The following NLRC4 variants were observed in gnomAD, a reference collection of about 807,000 sequenced individuals.
NLRC4 encodes NLR family CARD domain-containing protein 4.
NLRC4 carries 63 observed loss-of-function variants against 79.9 expected under a neutral mutation model. That is an observed-to-expected ratio of 0.79 (90% confidence interval 0.64 to 0.97). The LOEUF is 0.97. Among genes scored for constraint, NLRC4 ranks in the 50% least tolerant of loss-of-function variants. NLRC4 has a pLI of 0.00. For missense variants in NLRC4, 1,074 were observed against 1,215.2 expected (o/e 0.88, Z 1.73); for synonymous variants, 461 against 456.5 (o/e 1.01, Z -0.12).
intron 8 of NLRC4, among the ~76,000 whole-genome samples, chr2:32,229,021 C>T (rs1412743161): frequency 6.6e-6 from 1 of 152,016 alleles, no homozygotes; most frequent in African/African-American, 2.4e-5. Flanking sequence ...CCACCTTGGC[C>T]TCACGAAGTG....
intron 8 of NLRC4, among the ~76,000 whole-genome samples, chr2:32,234,103 C>T (rs968204552): frequency 7.9e-5 from 12 of 152,024 alleles, no homozygotes; most frequent in Non-Finnish European, 1.5e-4. Flanking sequence ...TAAATAGGGC[C>T]GGGTGCGGTG....
At position 32,250,232 on chromosome 2, in the gene NLRC4, T is replaced by C; in HGVS notation, c.1632A>G (p.Glu544=). Residue 544 remains glutamate (E), a synonymous_variant, in exon 4 of 9, where the codon GAA becomes GAG. Transcript: ENST00000402280. This position sits in a 1 kb window ranked among gnomAD's most constrained non-coding sequence, Gnocchi z 4.9. ...LQSVKNTTEQ[E]ILKAININSF... is the part of the protein sequence containing the mutation. ...AATTGATGTTTATGGCTTTCAGAATTTCTTGCTCAGTGGTGTTTTTCACAC... is the reference window on the plus strand; with the variant it reads ...AATTGATGTTTATGGCTTTCAGAATCTCTTGCTCAGTGGTGTTTTTCACAC... The C allele has an allele frequency of 1.2e-6, 2 of 1,614,216 alleles. No homozygotes were observed. Among genetic ancestry groups the C allele is most frequent in the Non-Finnish European group, 1.7e-6 (2 of 1,180,054 alleles).
chr2:32,233,088 C>T (rs1326981902), intron 8 of NLRC4, among the ~76,000 whole-genome samples: 1 of 123,082 alleles, frequency 8.1e-6, no homozygotes, highest in East Asian at 2.7e-4. Flanking sequence ...CCAGCCTGGG[C>T]AACAGGGAGA....
intron 8 of NLRC4, among the ~76,000 whole-genome samples, chr2:32,226,216 C>T (rs1299814327): frequency 6.6e-6 from 1 of 152,170 alleles, no homozygotes; most frequent in Non-Finnish European, 1.5e-5. Context: ...TACCCTTACC[C>T]ACTTTCAGTA....
intron 3 of NLRC4, 39 bp downstream of exon 3, chr2:32,252,380 C>G (rs1448071215): frequency 6.7e-7 from 1 of 1,501,356 alleles, no homozygotes; most frequent in East Asian, 2.3e-5. Context: ...GTGGTCTATT[C>G]TACTTGCAGA....
chr2:32,257,720 G>C (rs1687241513), intron 1 of NLRC4, among the ~76,000 whole-genome samples: 1 of 152,066 alleles, frequency 6.6e-6, no homozygotes, highest in Admixed American at 6.6e-5. Flanking sequence ...ATGAGATCAG[G>C]GAGTATGGAA....
chr2:32,224,820 G>T, intron 8 of NLRC4, 55 bp from the exon 9 acceptor site: 1 of 816,478 alleles, frequency 1.2e-6, no homozygotes, highest in Non-Finnish European at 1.8e-6. Flanking sequence ...TAAAAAAAAA[G>T]AGAAATAGGT....
chr2:32,242,205 G>GA (rs1266470147), intron 4 of NLRC4, among the ~76,000 whole-genome samples: 2 of 151,254 alleles, frequency 1.3e-5, no homozygotes, highest in African/African-American at 4.9e-5. Context: ...GTAAACAATA[G>GA]AAAAAAATCA....
chr2:32,253,477 T>A (rs1053445350), intron 2 of NLRC4, among the ~76,000 whole-genome samples: 2 of 152,084 alleles, frequency 1.3e-5, no homozygotes, highest in Admixed American at 1.3e-4. Flanking sequence ...CCCAGAGTTA[T>A]TGATGAGCAA....
Position 32,235,509 on chromosome 2 carries a change from C to A in NLRC4, c.2674G>T (p.Val892Leu). ...TALMLPWGCD[V>L]QGSLSSLLKH... ...AACAGGCTGCTCAGGCTGCCTTGCA[C>A]GTCACAGCCCCAGGGCAGCATCAGT... The change falls in exon 8 of 9, where the codon GTG becomes TTG. Residue 892 changes from valine to leucine, a missense_variant. Physicochemically the swap from Val to Leu is conservative, Grantham distance 32. Transcript: ENST00000402280. The A allele has an allele frequency of 6.2e-7, 1 of 1,614,126 alleles. No individual in the cohort carries two copies.
At chr2:32,262,285 A>T (rs1038639267) in intron 1 of NLRC4, among the ~76,000 whole-genome samples, 5 of 152,100 alleles carry the variant, frequency 3.3e-5, no homozygotes, top group African/African-American at 1.2e-4. Context: ...CTCCCTTTCT[A>T]CTTCCCCAAA....
At chr2:32,232,748 G>T (rs1357740639) in intron 8 of NLRC4, among the ~76,000 whole-genome samples, 1 of 152,212 alleles carries the variant, frequency 6.6e-6, no homozygotes, top group Non-Finnish European at 1.5e-5. Context: ...TAGGTAGAAG[G>T]TAGCGGGATC....
intron 1 of NLRC4, among the ~76,000 whole-genome samples, 172 bp downstream of exon 1, chr2:32,264,566 T>A (rs1687425679): frequency 6.6e-6 from 1 of 151,790 alleles, no homozygotes; most frequent in African/African-American, 2.4e-5. Context: ...GCAGACCCGA[T>A]TAACCACCCC....
At chr2:32,263,205 A>G (rs888976475) in intron 1 of NLRC4, among the ~76,000 whole-genome samples, 1 of 152,210 alleles carries the variant, frequency 6.6e-6, no homozygotes, top group African/African-American at 2.4e-5. Flanking sequence ...ACAGAAATGG[A>G]AAATGTGTGT....
chr2:32,246,516 C>T (rs532475014), intron 4 of NLRC4, among the ~76,000 whole-genome samples: 1 of 152,310 alleles, frequency 6.6e-6, no homozygotes, highest in South Asian at 2.1e-4. Context: ...AAATTGCTAG[C>T]GTTTGAAAAC....
chr2:32,250,253 C>A lies in NLRC4; in HGVS notation c.1611G>T (p.Val537=), dbSNP rs1327109116. Residue 537 remains valine (V), a synonymous_variant, in exon 4 of 9, where the codon GTG becomes GTT. Transcript: ENST00000402280. The surrounding 1 kb of genome is among the most constrained non-coding windows in gnomAD (Gnocchi z 4.9). ...PLWRQESLQS[V]KNTTEQEILK... is the part of the protein sequence containing the mutation. ...GAATTTCTTGCTCAGTGGTGTTTTTCACACTTTGCAAAGATTCCTGTCTCC... is the reference window on the plus strand; with the variant it reads ...GAATTTCTTGCTCAGTGGTGTTTTTAACACTTTGCAAAGATTCCTGTCTCC... The A allele has an allele frequency of 1.2e-6, 2 of 1,614,032 alleles. No individual in the cohort carries two copies. Among genetic ancestry groups the A allele is most frequent in the African/African-American group, 1.3e-5 (1 of 74,904 alleles).
At chr2:32,230,194 T>TA (rs1449079007) in intron 8 of NLRC4, among the ~76,000 whole-genome samples, 1 of 151,970 alleles carries the variant, frequency 6.6e-6, no homozygotes, top group African/African-American at 2.4e-5. Context: ...GAGAAAAAAA[T>TA]AACAGTCACA....
intron 8 of NLRC4, among the ~76,000 whole-genome samples, chr2:32,234,909 T>C (rs1451166239): frequency 1.3e-5 from 2 of 152,228 alleles, no homozygotes; most frequent in African/African-American, 4.8e-5. Flanking sequence ...CTAATACAGA[T>C]AGTATGAAGG....
intron 8 of NLRC4, among the ~76,000 whole-genome samples, chr2:32,227,095 AGGTT>A (rs759366767): frequency 1.2e-4 from 19 of 152,106 alleles, no homozygotes; most frequent in Non-Finnish European, 1.9e-4. Flanking sequence ...CTCTTCTACT[AGGTT>A]GAAATGATCA....
Sources: gnomAD v4.1 joint callset for allele counts (sites outside exome capture counted in the v4.1 genomes callset) on GRCh38, gnomAD v4.1.1 for gene constraint, Gnocchi (gnomAD v3.1) non-coding constraint, MANE v1.5 for transcripts, NCBI Gene and HGNC (gene_info 2026-07-23, HGNC 2026-07-21) for gene names.